The following DLG2 variants were observed in gnomAD, a reference collection of about 807,000 sequenced individuals.
DLG2 encodes disks large homolog 2.
Under a neutral mutation model 132.5 loss-of-function variants are expected in DLG2, and 45 were observed. The ratio of observed to expected loss-of-function variants is 0.34; its 90% CI spans 0.27 to 0.44. DLG2 has a LOEUF of 0.44. DLG2 is among the 20% of genes least tolerant of loss of function. The pLI is 1.00. For synonymous variants in DLG2, 424 were observed against 419.6 expected (o/e 1.01, Z -0.13); for missense variants, 1,045 against 1,196.9 (o/e 0.87, Z 1.87).
At chr11:84,255,014 C>T (rs1253464720) in intron 7 of DLG2, among the ~76,000 whole-genome samples, 1 of 152,218 alleles carries the variant, frequency 6.6e-6, no homozygotes, top group Non-Finnish European at 1.5e-5. Context: ...TGTGCTGCTA[C>T]ACCAGGCTCT....
intron 3 of DLG2, among the ~76,000 whole-genome samples, chr11:85,412,760 C>CACACAT (rs756868795): frequency 0.025 from 2,788 of 112,816 alleles, 63 homozygotes; most frequent in Middle Eastern, 0.036. Context: ...CACACACACA[C>CACACAT]ATATATATAT....
intron 11 of DLG2, among the ~76,000 whole-genome samples, chr11:84,047,858 A>G (rs2096272816): frequency 6.6e-6 from 1 of 151,680 alleles, no homozygotes; most frequent in South Asian, 2.1e-4. Flanking sequence ...TCATGTGATT[A>G]ATTCTCTCAT....
chr11:83,871,659 C>T (rs2063474668), intron 16 of DLG2, among the ~76,000 whole-genome samples: 1 of 53,516 alleles, frequency 1.9e-5, no homozygotes, highest in Non-Finnish European at 4.2e-5. Context: ...CTTCATCTGA[C>T]AACCAGCTGG....
chr11:83,496,006 G>A (rs1189166808), intron 21 of DLG2, among the ~76,000 whole-genome samples: 1 of 151,918 alleles, frequency 6.6e-6, no homozygotes, highest in African/African-American at 2.4e-5. Flanking sequence ...AAAAATTTCT[G>A]TTCTTCAAAA....
At chr11:83,788,766 T>G (rs1458119694) in intron 17 of DLG2, among the ~76,000 whole-genome samples, 1 of 152,268 alleles carries the variant, frequency 6.6e-6, no homozygotes, top group Non-Finnish European at 1.5e-5. Flanking sequence ...AAATAAATTC[T>G]GTTTCAGAAA....
At chr11:85,150,687 C>G (rs2077186053) in intron 5 of DLG2, among the ~76,000 whole-genome samples, 1 of 144,296 alleles carries the variant, frequency 6.9e-6, no homozygotes, top group Non-Finnish European at 1.5e-5. Context: ...CCTTTTGTTC[C>G]TAAGGCTACA....
At chr11:84,043,280 C>G (rs1044560045) in intron 11 of DLG2, among the ~76,000 whole-genome samples, 1 of 150,794 alleles carries the variant, frequency 6.6e-6, no homozygotes, top group Non-Finnish European at 1.5e-5. Context: ...TATATTTTTT[C>G]TTCTTTTCAA....
chr11:85,209,363 G>C (rs997278886), intron 4 of DLG2, among the ~76,000 whole-genome samples: 4 of 150,620 alleles, frequency 2.7e-5, no homozygotes, highest in African/African-American at 9.8e-5. Flanking sequence ...AGGCATCAAA[G>C]ACCATGGAGC....
intron 6 of DLG2, among the ~76,000 whole-genome samples, chr11:84,872,110 T>C (rs1464512247): frequency 2.0e-5 from 3 of 152,230 alleles, no homozygotes; most frequent in Non-Finnish European, 4.4e-5. Flanking sequence ...TACATGGCTA[T>C]GAATCTGTAC....
chr11:85,583,130 G>GTGTATATATATATA (rs1555190569), intron 3 of DLG2, among the ~76,000 whole-genome samples: 6 of 13,602 alleles, frequency 4.4e-4, no homozygotes, highest in Non-Finnish European at 6.3e-4. Context: ...GTGTGTGTGT[G>GTGTATATATATATA]TATATATATA....
intron 19 of DLG2, among the ~76,000 whole-genome samples, chr11:83,547,411 G>A (rs1170259505): frequency 6.6e-6 from 1 of 152,030 alleles, no homozygotes; most frequent in Non-Finnish European, 1.5e-5. Context: ...TTATCCGGGT[G>A]GACACAATCT....
At chr11:83,707,156 T>G (rs1328461838) in intron 18 of DLG2, among the ~76,000 whole-genome samples, 1 of 152,180 alleles carries the variant, frequency 6.6e-6, no homozygotes. Flanking sequence ...GAACAAAAGA[T>G]GAGGCTGAAG....
intron 7 of DLG2, among the ~76,000 whole-genome samples, chr11:84,264,557 T>G (rs1478731995): frequency 6.6e-6 from 1 of 152,064 alleles, no homozygotes; most frequent in East Asian, 1.9e-4. Context: ...GAGTAGGTTG[T>G]TTTCTGGTAT....
chr11:84,094,075 A>G (rs2097134770), intron 10 of DLG2, among the ~76,000 whole-genome samples: 1 of 151,896 alleles, frequency 6.6e-6, no homozygotes, highest in Non-Finnish European at 1.5e-5. Context: ...GGGTCTTTTA[A>G]GCGTCGTTGT....
intron 6 of DLG2, among the ~76,000 whole-genome samples, chr11:84,785,670 T>C (rs2072752843): frequency 6.6e-6 from 1 of 152,138 alleles, no homozygotes; most frequent in African/African-American, 2.4e-5. Flanking sequence ...AAAAATAGGT[T>C]CCCTAGTATT....
At chr11:84,731,354 T>C (rs1043786340) in intron 6 of DLG2, among the ~76,000 whole-genome samples, 2 of 151,992 alleles carry the variant, frequency 1.3e-5, no homozygotes, top group East Asian at 1.9e-4. Context: ...GCTGGCCTCA[T>C]GGAGATTACA....
At chr11:85,134,095 C>G (rs2075959937) in intron 5 of DLG2, among the ~76,000 whole-genome samples, 1 of 151,700 alleles carries the variant, frequency 6.6e-6, no homozygotes, top group African/African-American at 2.4e-5. Context: ...ACTGCCTGAC[C>G]AATAAAAATC....
chr11:84,487,926 G>A (rs2099155080), intron 7 of DLG2, among the ~76,000 whole-genome samples: 1 of 152,106 alleles, frequency 6.6e-6, no homozygotes, highest in African/African-American at 2.4e-5. Flanking sequence ...ATGTATTTCA[G>A]GAAGATAATC....
Position 85,255,349 on chromosome 11 carries a change from A to C in DLG2, c.186+29871T>G, listed in dbSNP as rs1175586959. On this transcript the variant is annotated intron_variant, in intron 4 of 27. Transcript: ENST00000376104. ...TATATACAAAGGATATTACATACAC[A>C]AACATACGCATGGATATTCATATCC... 2.0e-5 allele frequency among the ~76,000 whole-genome samples: 3 copies of C among 152,230 alleles called. 1 individual carries two copies. The highest frequency in any genetic ancestry group is 2.0e-4 in the Admixed American group (3 of 15,288).
Sources: allele counts gnomAD v4.1 joint callset (sites outside exome capture counted in the v4.1 genomes callset), GRCh38; gene constraint gnomAD v4.1.1; transcripts MANE v1.5; gene names NCBI Gene and HGNC (gene_info 2026-07-23, HGNC 2026-07-21).